The following NANOS3 variants were observed in gnomAD, a reference collection of about 807,000 sequenced individuals.
NANOS3 encodes the protein nanos C2HC-type zinc finger 3, also known as nanos homolog 3.
In NANOS3, 11 loss-of-function variants were observed where a neutral mutation model predicts 13.8. The observed-to-expected ratio is 0.80, with a 90% CI of 0.50 to 1.32. NANOS3 has a LOEUF of 1.32. Ranked by LOEUF, NANOS3 falls within the 40% of genes most tolerant of loss-of-function variation. NANOS3 has a pLI of 0.00. For synonymous variants in NANOS3, 119 were observed against 115.4 expected (o/e 1.03, Z -0.20); for missense variants, 221 against 263.8 (o/e 0.84, Z 1.12).
chr19:13,873,338 G>GT (rs1421153848), upstream of NANOS3, among the ~76,000 whole-genome samples: 1 of 151,248 alleles, frequency 6.6e-6, no homozygotes, highest in African/African-American at 2.4e-5. Flanking sequence ...TGCCACCACC[G>GT]TGAGGGGTGT....
At chr19:13,876,271 T>G (rs1463177447), upstream of NANOS3, among the ~76,000 whole-genome samples, 1 of 152,026 alleles carries the variant, frequency 6.6e-6, no homozygotes, top group Non-Finnish European at 1.5e-5. Flanking sequence ...CCTGAGTAGC[T>G]GGGATCACAG....
At chr19:13,876,610 C>A (rs952388941), upstream of NANOS3, among the ~76,000 whole-genome samples, 6 of 152,248 alleles carry the variant, frequency 3.9e-5, no homozygotes, top group African/African-American at 9.6e-5. Context: ...ATCCTTCCCC[C>A]CTACCCCCGC....
chr19:13,868,558 A>C (rs1316781356), intron 1 of NANOS3, among the ~76,000 whole-genome samples: 1 of 151,720 alleles, frequency 6.6e-6, no homozygotes, highest in South Asian at 2.1e-4. Context: ...GTGTGCGCCT[A>C]TAGTCTCAGG....
At chr19:13,874,574 T>G, upstream of NANOS3, 1 of 383,202 alleles carries the variant, frequency 2.6e-6, no homozygotes, top group Non-Finnish European at 5.5e-6. Context: ...CAGATCTAGG[T>G]GCAAACAGCA....
chr19:13,877,965 G>GC (rs1968553618), intron 1 of NANOS3, among the ~76,000 whole-genome samples, 200 bp downstream of exon 1: 1 of 152,184 alleles, frequency 6.6e-6, no homozygotes, highest in Non-Finnish European at 1.5e-5. Context: ...CTGGAGTGCA[G>GC]TGGCGCCATC....
chr19:13,878,070 G>A (rs528620577), intron 1 of NANOS3, among the ~76,000 whole-genome samples: 38 of 151,288 alleles, frequency 2.5e-4, no homozygotes, highest in African/African-American at 6.5e-4. Context: ...CACCACACCC[G>A]GCTAATTGCC....
chr19:13,872,677 G>A (rs1459055083), upstream of NANOS3, among the ~76,000 whole-genome samples: 1 of 152,216 alleles, frequency 6.6e-6, no homozygotes, highest in Non-Finnish European at 1.5e-5. Context: ...GCAGGGGACC[G>A]GCCACCTCCC....
chr19:13,876,986 C>T (rs970233776), upstream of NANOS3, among the ~76,000 whole-genome samples: 4 of 152,128 alleles, frequency 2.6e-5, no homozygotes, highest in Admixed American at 6.5e-5. Context: ...TGTAGTCCCC[C>T]GGCACAGCCA....
chr19:13,867,217 AGGT>A (rs1206673401), intron 1 of NANOS3, among the ~76,000 whole-genome samples: 2 of 152,124 alleles, frequency 1.3e-5, no homozygotes, highest in African/African-American at 2.4e-5. Flanking sequence ...CTGGGATTAC[AGGT>A]GTGAACCGCC....
upstream of NANOS3, chr19:13,874,958 G>A (rs369928561): frequency 9.8e-5 from 52 of 529,722 alleles, no homozygotes; most frequent in African/African-American, 8.5e-4. Context: ...CAGACCCACC[G>A]GGGGATGAAT....
intron 1 of NANOS3, among the ~76,000 whole-genome samples, chr19:13,869,778 A>ACACACACGCACG (rs1366216794): frequency 2.7e-5 from 4 of 150,824 alleles, no homozygotes; most frequent in Non-Finnish European, 5.9e-5. Flanking sequence ...ACGCACGCAC[A>ACACACACGCACG]CACACACACA....
intron 1 of NANOS3, 75 bp from the exon 2 acceptor site, chr19:13,880,367 C>T: frequency 3.5e-6 from 5 of 1,425,948 alleles, no homozygotes; most frequent in Non-Finnish European, 4.9e-6. Context: ...GCCCGGAGGC[C>T]GAGTCCGTGG....
At chr19:13,875,520 C>G (rs1968492048), upstream of NANOS3, among the ~76,000 whole-genome samples, 1 of 151,934 alleles carries the variant, frequency 6.6e-6, no homozygotes, top group Non-Finnish European at 1.5e-5. Context: ...GTGGTAAGTT[C>G]TGCTCCGTGG....
At chr19:13,875,367 A>G (rs1254396470), upstream of NANOS3, among the ~76,000 whole-genome samples, 1 of 151,672 alleles carries the variant, frequency 6.6e-6, no homozygotes. Context: ...TTGTATTTTT[A>G]GTAGAGACGA....
At chr19:13,875,187 CCTT>C (rs1196159074), upstream of NANOS3, among the ~76,000 whole-genome samples, 1 of 149,422 alleles carries the variant, frequency 6.7e-6, no homozygotes, top group African/African-American at 2.5e-5. Flanking sequence ...GCTAAAATCC[CCTT>C]TTTTTTTTTT....
intron 1 of NANOS3, among the ~76,000 whole-genome samples, chr19:13,865,828 G>T (rs1976229064): frequency 2.7e-5 from 4 of 150,604 alleles, no homozygotes; most frequent in Admixed American, 2.6e-4. Context: ...CTGACCGCGC[G>T]CGGGGAGGCC....
chr19:13,875,191 T>C (rs903537995), upstream of NANOS3, among the ~76,000 whole-genome samples: 3 of 149,944 alleles, frequency 2.0e-5, no homozygotes, highest in African/African-American at 7.4e-5. Context: ...AAATCCCCTT[T>C]TTTTTTTTTT....
chr19:13,878,912 C>A (rs945601054), intron 1 of NANOS3, among the ~76,000 whole-genome samples: 1 of 151,154 alleles, frequency 6.6e-6, no homozygotes, highest in Non-Finnish European at 1.5e-5. Flanking sequence ...CCACGCCTGG[C>A]CCCAGTGAGG....
chr19:13,865,435 G>C (rs914646849), exon 1 of NANOS3: 21 of 146,762 alleles, frequency 1.4e-4, no homozygotes, highest in Middle Eastern at 3.5e-3. Context: ...GGCCCCAATC[G>C]AGGTGAGCGC....
Sources: gnomAD v4.1 joint callset for allele counts (sites outside exome capture counted in the v4.1 genomes callset) on GRCh38, gnomAD v4.1.1 for gene constraint, MANE v1.5 for transcripts, NCBI Gene and HGNC (gene_info 2026-07-23, HGNC 2026-07-21) for gene names.